LGALS12: variants seen among roughly 807,000 people sequenced by gnomAD.
LGALS12 encodes the protein galectin-12.
Under a neutral mutation model 36.8 loss-of-function variants are expected in LGALS12, and 36 were observed. The ratio of observed to expected loss-of-function variants is 0.98; its 90% CI spans 0.75 to 1.29. The LOEUF is 1.29. Among genes scored for constraint, LGALS12 ranks in the 50% most tolerant of loss-of-function variants. The pLI is 0.00. For missense variants in LGALS12, 366 were observed against 394.3 expected, an observed-to-expected ratio of 0.93 and a Z score of 0.61; for synonymous variants, 145 against 155.9, an observed-to-expected ratio of 0.93 and a Z score of 0.52.
rs2017060547 is a variant in LGALS12, at chr11:63,515,714, G to A, written c.798+1G>A. 1 of 1,613,856 alleles carries A rather than the reference G, an allele frequency of 6.2e-7. No individual in the cohort carries two copies. The highest frequency in any genetic ancestry group is 8.5e-7 in the Non-Finnish European group (1 of 1,179,934). On this transcript the variant is annotated splice_donor_variant, in intron 8 of 8. Coordinates refer to ENST00000394618, the MANE Select transcript of LGALS12 (RefSeq NM_033101.4). LOFTEE classifies it high-confidence loss of function. ...CTTTTACCCCCAGAGATTCTTTGAG[G>A]TAGGTCAGAGCCAAATGATTACATC...
chr11:63,514,890 T>G (rs2017033940), intron 7 of LGALS12, among the ~76,000 whole-genome samples: 2 of 152,278 alleles, frequency 1.3e-5, no homozygotes, highest in South Asian at 4.1e-4. Context: ...TTTTTGGCTC[T>G]ATGAGGTAGA....
chr11:63,511,533 C>T (rs1329166629), intron 6 of LGALS12, among the ~76,000 whole-genome samples: 1 of 152,028 alleles, frequency 6.6e-6, no homozygotes, highest in Non-Finnish European at 1.5e-5. Context: ...ACATGGTGGT[C>T]GGGACACAGA....
rs1565225946 is a variant in LGALS12, at chr11:63,509,906, CCTTGGGACCA to C, written c.492+10_492+19del. ...GATTCCTGAACATCAATGTAAGTTT[CCTTGGGACCA>C]AGGCCTGGGCAGTGGCAGCCTCTAA... On this transcript the variant is annotated intron_variant, in intron 4 of 8. Transcript: ENST00000394618. The C allele has an allele frequency of 1.2e-6, 2 of 1,613,318 alleles. No homozygotes were observed. The highest frequency in any genetic ancestry group is 3.3e-5 in the Admixed American group (2 of 59,952).
Position 63,516,558 on chromosome 11 carries a change from G to A in LGALS12, c.*165G>A. ...TACAGGAGCTTTGGGCCTGAGGGAAGGCACAAGAGTGCAAAGGTTCCTCGA... is the reference window on the plus strand; with the variant it reads ...TACAGGAGCTTTGGGCCTGAGGGAAAGCACAAGAGTGCAAAGGTTCCTCGA... On this transcript the variant is annotated 3_prime_UTR_variant, in exon 9 of 9. Transcript: ENST00000394618. The A allele has an allele frequency of 1.3e-6, 1 of 780,490 alleles. No individual in the cohort carries two copies. The highest frequency in any genetic ancestry group is 1.7e-5 in the South Asian group (1 of 58,226). The allele number at this position is 780,490 out of a possible 1,614,324, so 48.3% of individuals were successfully genotyped here. A position where few individuals can be genotyped will look rare whatever the true frequency, so the allele number is the denominator to read the frequency against.
chr11:63,510,557 G>A (rs1416831064), intron 5 of LGALS12, 56 bp downstream of exon 5: 1 of 1,554,268 alleles, frequency 6.4e-7, no homozygotes, highest in Non-Finnish European at 8.9e-7. Flanking sequence ...CGCCCTTCTG[G>A]ACTGCTGCTC....
chr11:63,507,593 A>G (rs1477478167), intron 1 of LGALS12, among the ~76,000 whole-genome samples: 1 of 151,130 alleles, frequency 6.6e-6, no homozygotes, highest in African/African-American at 2.4e-5. Flanking sequence ...CAGGGGAAGA[A>G]AGGAATAATC....
chr11:63,509,910 G>T lies in LGALS12; in HGVS notation c.492+13G>T. The T allele has an allele frequency of 6.2e-7, 1 of 1,612,836 alleles. No homozygotes were observed. The highest frequency in any genetic ancestry group is 1.1e-5 in the South Asian group (1 of 90,802). ...CCTGAACATCAATGTAAGTTTCCTT[G>T]GGACCAAGGCCTGGGCAGTGGCAGC... On this transcript the variant is annotated intron_variant, in intron 4 of 8. Transcript: ENST00000394618.
chr11:63,507,587 G>A (rs1245384252), intron 1 of LGALS12, among the ~76,000 whole-genome samples: 1 of 151,984 alleles, frequency 6.6e-6, no homozygotes, highest in East Asian at 1.9e-4. Flanking sequence ...GGAGCTCAGG[G>A]GAAGAAAGGA....
At chr11:63,511,672 C>T in intron 6 of LGALS12, 80 bp from the exon 7 acceptor site, 1 of 983,662 alleles carries the variant, frequency 1.0e-6, no homozygotes, top group Non-Finnish European at 1.6e-6. Flanking sequence ...TGCCCCAGTG[C>T]TCCCCTGGCC....
At chr11:63,508,277 A>G in intron 1 of LGALS12, 1 of 1,303,500 alleles carries the variant, frequency 7.7e-7, no homozygotes, top group Non-Finnish European at 9.8e-7. Flanking sequence ...GTTGTGTCCT[A>G]GGAGCTGGGG....
In LGALS12 at chr11:63,513,098, T is replaced by C. The variant is rs1192535066; in HGVS notation, c.647+1258T>C. Among the ~76,000 whole-genome samples, 2 of 152,112 alleles carry C rather than the reference T, an allele frequency of 1.3e-5. 1 individual carries two copies. On this transcript the variant is annotated intron_variant, in intron 7 of 8. Coordinates refer to ENST00000394618, the MANE Select transcript of LGALS12 (RefSeq NM_033101.4). ...GCCTCCAAAGACAGGCATGACTGAG[T>C]TGGATTCCTGGTTTTGTCTCTTATA... is the stretch of plus-strand genomic sequence containing the variant.
chr11:63,514,386 A>G (rs1357920968), intron 7 of LGALS12, among the ~76,000 whole-genome samples: 1 of 152,180 alleles, frequency 6.6e-6, no homozygotes, highest in Non-Finnish European at 1.5e-5. Context: ...CCTGGCCAAC[A>G]TAGTGAAACC....
Position 63,516,585 on chromosome 11 carries a change from C to T in LGALS12, c.*192C>T. ...CACAAGAGTGCAAAGGTTCCTCGAA[C>T]TCTGCACCTTCCTCCACCAGGAGCC... On this transcript the variant is annotated 3_prime_UTR_variant, in exon 9 of 9. Coordinates refer to ENST00000394618, the MANE Select transcript of LGALS12 (RefSeq NM_033101.4). The T allele has an allele frequency of 1.6e-6, 1 of 637,252 alleles. No homozygotes were observed. The highest frequency in any genetic ancestry group is 2.7e-6 in the Non-Finnish European group (1 of 369,686). 39.5% of individuals were successfully genotyped at this position (637,252 alleles called of 1,614,324 possible).
At chr11:63,508,255 T>G (rs1590642977) in intron 1 of LGALS12, 1 of 1,247,774 alleles carries the variant, frequency 8.0e-7, no homozygotes, top group Non-Finnish European at 1.0e-6. Context: ...CTCCCTGGGG[T>G]CACTGCAGCC....
At chr11:63,506,759 G>A (rs75459993) in intron 1 of LGALS12, among the ~76,000 whole-genome samples, 2,571 of 152,266 alleles carry the variant, frequency 0.017, 88 homozygotes, top group African/African-American at 0.058. Context: ...TGAAAGTGGC[G>A]AAGCCTGGAG....
At chr11:63,515,858 G>A (rs1002068499) in intron 8 of LGALS12, 145 bp downstream of exon 8, 107 of 825,890 alleles carry the variant, frequency 1.3e-4, no homozygotes, top group Non-Finnish European at 1.9e-4. Context: ...GCGAATGTCT[G>A]TACAGCAGTC....
chr11:63,514,299 C>T (rs575092705), intron 7 of LGALS12, among the ~76,000 whole-genome samples: 34 of 152,300 alleles, frequency 2.2e-4, no homozygotes, highest in East Asian at 5.8e-4. Flanking sequence ...GGGCCGGGCG[C>T]GGTGGCTCAA....
At chr11:63,509,967 G>C (rs1365825655) in intron 4 of LGALS12, 70 bp downstream of exon 4, 1 of 1,550,738 alleles carries the variant, frequency 6.4e-7, no homozygotes, top group African/African-American at 1.4e-5. Context: ...GGACGGGCCT[G>C]GGACCCCTTC....
intron 7 of LGALS12, among the ~76,000 whole-genome samples, chr11:63,514,983 T>C (rs1255594629): frequency 6.6e-6 from 1 of 152,178 alleles, no homozygotes; most frequent in Non-Finnish European, 1.5e-5. Context: ...TAAATAAGCA[T>C]TTTTTTATGT....
Sources: allele counts gnomAD v4.1 joint callset (sites outside exome capture counted in the v4.1 genomes callset), GRCh38; gene constraint gnomAD v4.1.1; transcripts MANE v1.5; gene names NCBI Gene and HGNC (gene_info 2026-07-23, HGNC 2026-07-21).